The following FAT3 variants were observed in gnomAD, a reference collection of about 807,000 sequenced individuals.
FAT3 encodes the protein FAT atypical cadherin 3.
FAT3 carries 95 observed loss-of-function variants against 310.2 expected under a neutral mutation model. That is an observed-to-expected ratio of 0.31 (90% CI 0.26 to 0.36). FAT3 has a LOEUF of 0.36. FAT3 is among the 10% of genes least tolerant of loss of function. FAT3 has a pLI of 1.00. For missense variants in FAT3, 5,408 were observed against 5,715.6 expected, an observed-to-expected ratio of 0.95 and a Z score of 1.74; for synonymous variants, 2,314 against 2,192.9, an observed-to-expected ratio of 1.06 and a Z score of -1.54.
intron 22 of FAT3, among the ~76,000 whole-genome samples, chr11:92,879,678 G>C (rs951511067): frequency 3.3e-5 from 5 of 152,048 alleles, no homozygotes; most frequent in Admixed American, 3.3e-4. Context: ...TGTGAGATAG[G>C]GGCATCACAA....
At chr11:92,256,016 C>G (rs1321265586) in intron 1 of FAT3, among the ~76,000 whole-genome samples, 1 of 152,094 alleles carries the variant, frequency 6.6e-6, no homozygotes, top group Non-Finnish European at 1.5e-5. Flanking sequence ...CTGTAAATAT[C>G]CTTAGCTTTT....
At chr11:92,797,253 C>A (rs1476394667) in intron 9 of FAT3, among the ~76,000 whole-genome samples, 1 of 152,108 alleles carries the variant, frequency 6.6e-6, no homozygotes, top group Non-Finnish European at 1.5e-5. Context: ...TGAACAAACC[C>A]CTTCACCAAA....
chr11:92,353,518 C>T lies in FAT3; in HGVS notation c.1406C>T (p.Thr469Ile). The change falls in exon 2 of 28, where the codon ACC becomes ATC. Residue 469 changes from threonine (T) to isoleucine (I), a missense_variant. Thr to Ile is a moderately conservative substitution (Grantham distance 89, BLOSUM62 -1). This residue lies in a region of FAT3 where 4,588 missense variants were observed against 4,809.8 expected (regional missense o/e 0.95). Transcript: ENST00000525166. Reference sequence around the variant, plus strand: ...AGCATAGAAGATGCAAATGACCACACCCCAGAATTTCAGCAACCACTGTAT... The same window carrying T: ...AGCATAGAAGATGCAAATGACCACATCCCAGAATTTCAGCAACCACTGTAT... ...TISIEDANDH[T>I]PEFQQPLYDA... 2 of 1,613,570 alleles carry T rather than the reference C, an allele frequency of 1.2e-6. No homozygotes were observed. Among genetic ancestry groups the T allele is most frequent in the Non-Finnish European group, 1.7e-6 (2 of 1,179,766 alleles).
rs1948584447 is a variant in FAT3, at chr11:92,352,133, C to T, written c.21C>T (p.His7=). Residue 7 remains histidine, a synonymous_variant, in exon 2 of 28, where the codon CAC becomes CAT. Coordinates refer to ENST00000525166, the MANE Select transcript of FAT3 (RefSeq NM_001367949.2). ...ATGTGATGGATATAATTATGGGACACTGTGTGGGCACACGGCCTCCTGCTT... is the reference window on the plus strand; with the variant it reads ...ATGTGATGGATATAATTATGGGACATTGTGTGGGCACACGGCCTCCTGCTT... MDIIMG[H]CVGTRPPACC... is the part of the protein sequence containing the mutation. 1 of 1,360,430 alleles carries T rather than the reference C, an allele frequency of 7.4e-7. No individual in the cohort carries two copies. The highest frequency in any genetic ancestry group is 1.5e-5 in the African/African-American group (1 of 67,566). The allele number at this position is 1,360,430 out of a possible 1,614,324, so 84.3% of individuals were successfully genotyped here.
chr11:92,712,819 G>A (rs1385435744), intron 4 of FAT3, among the ~76,000 whole-genome samples: 1 of 152,218 alleles, frequency 6.6e-6, no homozygotes, highest in African/African-American at 2.4e-5. Context: ...AAGGTTGCCA[G>A]TTGGTAACAC....
intron 2 of FAT3, among the ~76,000 whole-genome samples, chr11:92,451,261 C>T (rs1353888538): frequency 1.3e-5 from 2 of 152,118 alleles, no homozygotes; most frequent in Non-Finnish European, 2.9e-5. Flanking sequence ...GTGGGTCACT[C>T]TGGTGGAGCT....
In FAT3 at chr11:92,883,870, A is replaced by G. The variant is rs571964592; in HGVS notation, c.12937+477A>G. On this transcript the variant is annotated intron_variant, in intron 24 of 27. Coordinates refer to ENST00000525166, the MANE Select transcript of FAT3 (RefSeq NM_001367949.2). This position sits in a 1 kb window ranked among gnomAD's most constrained non-coding sequence, Gnocchi z 4.2. ...AAGAAGAGAGTATTTCCAGTCTTAG[A>G]ATGAAGACTTGAGAGAAGCAGAGGG... Among the ~76,000 whole-genome samples the G allele has an allele frequency of 6.6e-6, 1 of 152,318 alleles. No individual in the cohort carries two copies. Among genetic ancestry groups the G allele is most frequent in the Admixed American group, 6.5e-5 (1 of 15,296 alleles).
chr11:92,548,625 T>G (rs139815381), intron 3 of FAT3, among the ~76,000 whole-genome samples: 2 of 152,318 alleles, frequency 1.3e-5, no homozygotes, highest in Non-Finnish European at 2.9e-5. Flanking sequence ...AAAAATTAAT[T>G]TGTACAAAGT....
At chr11:92,326,156 T>C (rs1388880015) in intron 1 of FAT3, among the ~76,000 whole-genome samples, 1 of 152,186 alleles carries the variant, frequency 6.6e-6, no homozygotes, top group African/African-American at 2.4e-5. Context: ...TAGTTTTTCT[T>C]TGAAGCTTCA....
intron 2 of FAT3, among the ~76,000 whole-genome samples, chr11:92,461,279 A>C (rs1422970746): frequency 6.6e-6 from 1 of 150,476 alleles, no homozygotes; most frequent in Non-Finnish European, 1.5e-5. Flanking sequence ...TGCCTATCAC[A>C]CTCTCCCCTC....
chr11:92,312,674 G>C (rs1173677033), intron 1 of FAT3, among the ~76,000 whole-genome samples: 1 of 152,164 alleles, frequency 6.6e-6, no homozygotes, highest in Non-Finnish European at 1.5e-5. Context: ...TATTTTAGGT[G>C]TATCTTGTCA....
At chr11:92,539,322 A>G (rs2135406619) in intron 3 of FAT3, among the ~76,000 whole-genome samples, 1 of 152,330 alleles carries the variant, frequency 6.6e-6, no homozygotes, top group South Asian at 2.1e-4. Context: ...GGACTCAGAT[A>G]ATCAGTCTCC....
rs1227707691 is a variant in FAT3 at position 92,844,668 on chromosome 11, C to T, written c.11301C>T (p.Tyr3767=). The T allele has an allele frequency of 6.2e-7, 1 of 1,600,130 alleles. No homozygotes were observed. Among genetic ancestry groups the T allele is most frequent in the Non-Finnish European group, 8.5e-7 (1 of 1,171,730 alleles). The change falls in exon 19 of 28, where the codon TAC becomes TAT. Residue 3767 remains tyrosine (Y), a synonymous_variant. Transcript: ENST00000525166. ...LSLDSHALMT[Y]STARISFVCP... is the part of the protein sequence containing the mutation. ...TCGATTCCCACGCGCTCATGACCTA[C>T]AGCACGGCTCGCATCAGCTTTGTGT...
chr11:92,717,384 G>A (rs909264164), intron 4 of FAT3, among the ~76,000 whole-genome samples: 1 of 152,200 alleles, frequency 6.6e-6, no homozygotes, highest in Non-Finnish European at 1.5e-5. Context: ...AATTGTGGGT[G>A]TGTGCATTGT....
rs80169244 is a variant in FAT3 at position 92,826,805 on chromosome 11, G to A, written c.9482-4817G>A. On this transcript the variant is annotated intron_variant, in intron 13 of 27. Coordinates refer to ENST00000525166, the MANE Select transcript of FAT3 (RefSeq NM_001367949.2). ...GTGTGCCACCTGCAGGCTAGATCCCGTGCAGGCAATGAGAGACATAGGAGT... is the reference window on the plus strand; with the variant it reads ...GTGTGCCACCTGCAGGCTAGATCCCATGCAGGCAATGAGAGACATAGGAGT... Among the ~76,000 whole-genome samples the A allele has an allele frequency of 6.6e-4, 101 of 152,272 alleles. 2 individuals carry two copies. In the East Asian group the frequency reaches 0.018, roughly 27 times the overall value.
chr11:92,398,501 A>C (rs1315228136), intron 2 of FAT3, among the ~76,000 whole-genome samples: 8 of 78,014 alleles, frequency 1.0e-4, no homozygotes, highest in East Asian at 5.9e-4. Context: ...ACTCCGTCCC[A>C]AAAAAAAAAA....
At chr11:92,268,547 C>T (rs2134327914) in intron 1 of FAT3, among the ~76,000 whole-genome samples, 1 of 152,014 alleles carries the variant, frequency 6.6e-6, no homozygotes, top group African/African-American at 2.4e-5. Context: ...CCCAACCTTC[C>T]CCATTCTTTG....
At position 92,320,403 on chromosome 11, in the gene FAT3, T is replaced by C. The variant is rs61901526; in HGVS notation, c.-17-31693T>C. Among the ~76,000 whole-genome samples, 230 of 150,452 alleles carry C rather than the reference T, an allele frequency of 1.5e-3. 1 individual carries two copies. Among genetic ancestry groups the C allele is most frequent in the Non-Finnish European group, 2.8e-3 (191 of 67,968 alleles). On this transcript the variant is annotated intron_variant, in intron 1 of 27. Transcript: ENST00000525166. ...TATGGAACTAACAGTTTGGAAATGC[T>C]GGCCCATGCATTCTTTTACCAAAGG... is the stretch of plus-strand genomic sequence containing the variant.
chr11:92,300,344 G>A (rs1229897592), intron 1 of FAT3, among the ~76,000 whole-genome samples: 1 of 152,072 alleles, frequency 6.6e-6, no homozygotes. Context: ...GTGAGAGTTT[G>A]GGTGTGCATT....
Sources: allele counts gnomAD v4.1 joint callset (sites outside exome capture counted in the v4.1 genomes callset), GRCh38; gene constraint gnomAD v4.1.1; regional missense constraint gnomAD v4.1.1; non-coding constraint Gnocchi (gnomAD v3.1); transcripts MANE v1.5; gene names NCBI Gene and HGNC (gene_info 2026-07-23, HGNC 2026-07-21).